NAV3: variants seen among roughly 807,000 people sequenced by gnomAD.
The protein encoded by NAV3 is pore membrane and/or filament interacting like protein 1.
A neutral mutation model predicts 244.7 loss-of-function variants in NAV3; 87 were observed. That is an observed-to-expected ratio of 0.36 (90% CI 0.30 to 0.42). The LOEUF is 0.42. NAV3 is among the 20% of genes least tolerant of loss of function. The probability of loss-of-function intolerance (pLI) is 1.00; values close to 1 mark genes in which losing one functional copy is unlikely to be tolerated. For missense variants in NAV3, 2,663 were observed against 2,893.3 expected (o/e 0.92, Z 1.83); for synonymous variants, 1,126 against 1,042.2 (o/e 1.08, Z -1.55).
chr12:78,169,860 C>T (rs111346125), intron 24 of NAV3, among the ~76,000 whole-genome samples: 181 of 151,784 alleles, frequency 1.2e-3, no homozygotes, highest in Non-Finnish European at 1.4e-3. Context: ...CTATGTGAAA[C>T]ATCCGGTTTT....
At chr12:78,093,741 C>G (rs918915311) in intron 12 of NAV3, among the ~76,000 whole-genome samples, 1 of 152,034 alleles carries the variant, frequency 6.6e-6, no homozygotes, top group Admixed American at 6.6e-5. Context: ...TTTCTTACCC[C>G]AAATCATCTT....
intron 2 of NAV3, among the ~76,000 whole-genome samples, chr12:77,582,228 T>G (rs536811334): frequency 6.6e-6 from 1 of 152,344 alleles, no homozygotes; most frequent in South Asian, 2.1e-4. Context: ...TTTACTAATG[T>G]GTTGTTAGAA....
At chr12:77,744,090 C>A (rs2137409941) in intron 2 of NAV3, among the ~76,000 whole-genome samples, 1 of 151,918 alleles carries the variant, frequency 6.6e-6, no homozygotes, top group South Asian at 2.1e-4. Flanking sequence ...TTTGGAAATG[C>A]AAATCACTTA....
intron 34 of NAV3, among the ~76,000 whole-genome samples, chr12:78,193,297 A>G (rs1443892973): frequency 2.0e-5 from 3 of 152,308 alleles, no homozygotes; most frequent in South Asian, 4.1e-4. Context: ...GTACACATAA[A>G]CAATTACACT....
chr12:78,015,726 T>A (rs1270542346), intron 8 of NAV3, among the ~76,000 whole-genome samples: 1 of 152,070 alleles, frequency 6.6e-6, no homozygotes, highest in African/African-American at 2.4e-5. Context: ...AAACGCAATT[T>A]TGTATCTACT....
chr12:77,596,014 A>C (rs943269018), intron 2 of NAV3, among the ~76,000 whole-genome samples: 22 of 152,242 alleles, frequency 1.4e-4, no homozygotes, highest in Non-Finnish European at 3.1e-4. Context: ...GACTGGACTT[A>C]TACTTGTCAT....
intron 5 of NAV3, among the ~76,000 whole-genome samples, chr12:77,974,053 C>T (rs1025521401): frequency 9.9e-5 from 15 of 151,810 alleles, no homozygotes; most frequent in South Asian, 2.1e-4. Context: ...TGTGTGTGCA[C>T]GTGCACACAC....
In NAV3 at chr12:78,154,286, C is replaced by A. The variant is rs1481643917; in HGVS notation, c.4786-4917C>A. On this transcript the variant is annotated intron_variant, in intron 22 of 39. Transcript: ENST00000397909. ...TATATAGTATATATTACTATATATA[C>A]TACTATATATTACTATATAATATAT... is the stretch of plus-strand genomic sequence containing the variant. Among the ~76,000 whole-genome samples, 11 of 117,608 alleles carry A rather than the reference C, an allele frequency of 9.4e-5. No individual in the cohort carries two copies. In the Admixed American group the frequency reaches 1.1e-3, roughly 11 times the overall value. The allele number at this position is 117,608 out of a possible 152,430, so 77.2% of individuals were successfully genotyped here.
intron 6 of NAV3, among the ~76,000 whole-genome samples, chr12:77,996,307 G>T (rs904551422): frequency 6.6e-6 from 1 of 152,088 alleles, no homozygotes; most frequent in African/African-American, 2.4e-5. Context: ...GCAATCACTG[G>T]TCCTGTAAAT....
At chr12:77,806,852 G>A (rs1872007493) in intron 2 of NAV3, among the ~76,000 whole-genome samples, 1 of 152,166 alleles carries the variant, frequency 6.6e-6, no homozygotes, top group Admixed American at 6.5e-5. Flanking sequence ...GGGTGCTCCT[G>A]TATTGGATGC....
intron 2 of NAV3, among the ~76,000 whole-genome samples, chr12:77,643,200 C>G (rs967884362): frequency 6.6e-6 from 1 of 151,924 alleles, no homozygotes. Flanking sequence ...CTTCTTATGT[C>G]TAGCTTTAGT....
At chr12:78,172,790 C>T (rs937233378) in intron 24 of NAV3, among the ~76,000 whole-genome samples, 3 of 151,474 alleles carry the variant, frequency 2.0e-5, no homozygotes, top group African/African-American at 4.8e-5. Flanking sequence ...GAGTTAAGAA[C>T]TGACAAGATT....
At chr12:77,979,697 ACGAAAAAAAAAAAAG>A (rs1869181066) in intron 5 of NAV3, among the ~76,000 whole-genome samples, 1 of 134,526 alleles carries the variant, frequency 7.4e-6, no homozygotes, top group African/African-American at 3.1e-5. Flanking sequence ...AAGATGTGAA[ACGAAAAAAAAAAAAG>A]AAAAAAAAAA....
At chr12:78,172,671 G>A (rs922643615) in intron 24 of NAV3, among the ~76,000 whole-genome samples, 3 of 151,554 alleles carry the variant, frequency 2.0e-5, no homozygotes, top group African/African-American at 7.3e-5. Flanking sequence ...TAAGTACTGA[G>A]GGAGGAGTAT....
intron 9 of NAV3, among the ~76,000 whole-genome samples, chr12:78,045,206 G>A (rs1034296755): frequency 6.6e-6 from 1 of 152,134 alleles, no homozygotes; most frequent in Non-Finnish European, 1.5e-5. Context: ...TTTGCAATTG[G>A]TTCTCTTTAT....
chr12:78,050,220 T>G, intron 10 of NAV3, 119 bp downstream of exon 10: 1 of 725,012 alleles, frequency 1.4e-6, no homozygotes, highest in East Asian at 2.7e-5. Flanking sequence ...ATTTTCTCCC[T>G]TGTTTTATAT....
chr12:78,144,635 C>T (rs1956774280), intron 20 of NAV3, among the ~76,000 whole-genome samples: 2 of 151,884 alleles, frequency 1.3e-5, no homozygotes, highest in South Asian at 4.1e-4. Context: ...AATGATTATG[C>T]TTGCTACTAG....
intron 2 of NAV3, among the ~76,000 whole-genome samples, chr12:77,625,606 C>T (rs567408929): frequency 6.6e-6 from 1 of 152,266 alleles, no homozygotes; most frequent in East Asian, 1.9e-4. Context: ...ACCTCATTTC[C>T]CAGTACCCAG....
intron 2 of NAV3, among the ~76,000 whole-genome samples, chr12:77,749,249 A>G (rs993460567): frequency 6.6e-6 from 1 of 152,242 alleles, no homozygotes; most frequent in African/African-American, 2.4e-5. Context: ...GAACAGAAAA[A>G]GAAATATCAT....
Sources: gnomAD v4.1 joint callset for allele counts (sites outside exome capture counted in the v4.1 genomes callset) on GRCh38, gnomAD v4.1.1 for gene constraint, MANE v1.5 for transcripts, NCBI Gene and HGNC (gene_info 2026-07-23, HGNC 2026-07-21) for gene names.